The following TMEM72 variants were observed in gnomAD, a reference collection of about 807,000 sequenced individuals.
TMEM72 encodes kidney-specific secretory protein of 37 kDa.
TMEM72 carries 9 observed loss-of-function variants against 16.3 expected under a neutral mutation model. That is an observed-to-expected ratio of 0.55 (90% CI 0.33 to 0.96). TMEM72 has a LOEUF of 0.96. Among genes scored for constraint, TMEM72 ranks in the 40% least tolerant of loss-of-function variants. The pLI is 0.03. For synonymous variants in TMEM72, 160 were observed against 146.5 expected (o/e 1.09, Z -0.66); for missense variants, 324 against 337.8 (o/e 0.96, Z 0.32).
intron 1 of TMEM72, among the ~76,000 whole-genome samples, chr10:44,915,423 C>T (rs942475555): frequency 1.3e-5 from 2 of 151,556 alleles, no homozygotes; most frequent in South Asian, 4.1e-4. Context: ...GAAACCGAGG[C>T]CTGATGGAGC....
At chr10:44,931,803 C>T (rs759665869) in intron 2 of TMEM72, 195 bp from the exon 3 acceptor site, 20 of 604,886 alleles carry the variant, frequency 3.3e-5, no homozygotes, top group Non-Finnish European at 4.9e-5. Flanking sequence ...CCCCAGACCC[C>T]ACCTCTCCCC....
At chr10:44,915,201 C>T (rs571859526) in intron 1 of TMEM72, among the ~76,000 whole-genome samples, 53 of 152,326 alleles carry the variant, frequency 3.5e-4, no homozygotes, top group African/African-American at 1.1e-3. Flanking sequence ...AGCTTGAGGC[C>T]CCACTGCCCC....
rs1334434644 is a variant in TMEM72 at position 44,933,709 on chromosome 10, G to A, written c.282G>A (p.Leu94=). 8.1e-6 allele frequency: 13 copies of A among 1,614,122 alleles called. No individual in the cohort carries two copies. Among genetic ancestry groups the A allele is most frequent in the Non-Finnish European group, 1.1e-5 (13 of 1,180,004 alleles). ...GGCTGGGCTGCTTCCAGAAGTTCCT[G>A]GCCTACCTGCTGCTGTCGGTGGCCT... The part of the protein sequence containing the change: ...AHWLGCFQKF[L]AYLLLSVACF... The change falls in exon 4 of 5, where the codon CTG becomes CTA. Residue 94 remains leucine (L), a synonymous_variant. Transcript: ENST00000389583.
intron 4 of TMEM72, 53 bp from the exon 5 acceptor site, chr10:44,934,603 T>A (rs150962368): frequency 6.7e-7 from 1 of 1,488,766 alleles, no homozygotes; most frequent in African/African-American, 1.4e-5. Context: ...TTGCAAGGAC[T>A]CCGGATTTTT....
Position 44,935,433 on chromosome 10 carries a change from T to C in TMEM72, c.*299T>C. On this transcript the variant is annotated 3_prime_UTR_variant, in exon 5 of 5. Transcript: ENST00000389583. ...CCATCACTGCCACTGCGCACGAGGCTGCAGGTGCCATTGACTCAGCCCAGA... is the reference window on the plus strand; with the variant it reads ...CCATCACTGCCACTGCGCACGAGGCCGCAGGTGCCATTGACTCAGCCCAGA... 2 of 342,616 alleles carry C rather than the reference T, an allele frequency of 5.8e-6. No individual in the cohort carries two copies. Among genetic ancestry groups the C allele is most frequent in the South Asian group, 1.8e-4 (2 of 11,084 alleles). The allele number at this position is 342,616 out of a possible 1,614,324, so 21.2% of individuals were successfully genotyped here.
At chr10:44,913,794 C>T (rs1339430796) in intron 1 of TMEM72, among the ~76,000 whole-genome samples, 1 of 152,168 alleles carries the variant, frequency 6.6e-6, no homozygotes, top group African/African-American at 2.4e-5. Flanking sequence ...TCCTAAGCCT[C>T]TCTTTTGTTG....
At chr10:44,926,731 C>T (rs2132722582) in intron 1 of TMEM72, among the ~76,000 whole-genome samples, 1 of 152,300 alleles carries the variant, frequency 6.6e-6, no homozygotes, top group Non-Finnish European at 1.5e-5. Flanking sequence ...CCTCTTCTCA[C>T]CTGCCTAGAT....
rs757841101 is a variant in TMEM72, at chr10:44,933,777, G to C, written c.349+1G>C. 1 of 1,613,322 alleles carries C rather than the reference G, an allele frequency of 6.2e-7. No homozygotes were observed. Among genetic ancestry groups the C allele is most frequent in the South Asian group, 1.1e-5 (1 of 91,010 alleles). On this transcript the variant is annotated splice_donor_variant, in intron 4 of 4. Transcript: ENST00000389583. LOFTEE classifies it high-confidence loss of function. ...CTGGTCTGGCACGTGACCATCCCAG[G>C]TAAGAGCACAGGGGTAGAGATATGC...
At chr10:44,917,775 A>T (rs928153207) in intron 1 of TMEM72, among the ~76,000 whole-genome samples, 4 of 152,272 alleles carry the variant, frequency 2.6e-5, no homozygotes, top group African/African-American at 9.6e-5. Flanking sequence ...GAGCATGGAC[A>T]ATGCTTTCTG....
intron 1 of TMEM72, among the ~76,000 whole-genome samples, chr10:44,923,444 C>A (rs1034524720): frequency 5.3e-5 from 8 of 152,082 alleles, no homozygotes; most frequent in African/African-American, 1.7e-4. Context: ...GCTTGGGCTT[C>A]CTCACAATAT....
chr10:44,913,815 T>C (rs1194487461), intron 1 of TMEM72, among the ~76,000 whole-genome samples: 2 of 152,210 alleles, frequency 1.3e-5, no homozygotes, highest in African/African-American at 2.4e-5. Context: ...AAATCTTCTG[T>C]TGAGAAATCC....
intron 1 of TMEM72, among the ~76,000 whole-genome samples, chr10:44,918,436 ACT>A (rs1840043489): frequency 6.6e-6 from 1 of 152,020 alleles, no homozygotes; most frequent in Non-Finnish European, 1.5e-5. Context: ...TTCCACACAA[ACT>A]CTTCCAGAAA....
At position 44,927,982 on chromosome 10, in the gene TMEM72, T is replaced by C. The variant is rs1385735846; in HGVS notation, c.132T>C (p.Tyr44=). Residue 44 remains tyrosine, a synonymous_variant, in exon 2 of 5, where the codon TAT becomes TAC. Coordinates refer to ENST00000389583, the MANE Select transcript of TMEM72 (RefSeq NM_001123376.3). ...GCCAGTTCAAAAGCCTGGCTTTCTA[T>C]CTGCTGTGAGTATGTGTGCATGTGC... ...LQGQFKSLAF[Y]LLFTGAAVSI... is the part of the protein sequence containing the mutation. 3 of 1,613,464 alleles carry C rather than the reference T, an allele frequency of 1.9e-6. No individual in the cohort carries two copies. The highest frequency in any genetic ancestry group is 2.7e-5 in the African/African-American group (2 of 74,916).
At chr10:44,914,436 C>G (rs1839984469) in intron 1 of TMEM72, among the ~76,000 whole-genome samples, 1 of 152,224 alleles carries the variant, frequency 6.6e-6, no homozygotes, top group Non-Finnish European at 1.5e-5. Context: ...GGGGCAGGCG[C>G]CCATGGGTCC....
Position 44,933,724 on chromosome 10 carries a change from G to C in TMEM72, c.297G>C (p.Leu99=). 3.7e-6 allele frequency: 6 copies of C among 1,614,130 alleles called. No individual in the cohort carries two copies. Among genetic ancestry groups the C allele is most frequent in the Non-Finnish European group, 5.1e-6 (6 of 1,179,990 alleles). ...AGAAGTTCCTGGCCTACCTGCTGCT[G>C]TCGGTGGCCTGCTTCCTCCACCCGG... ...CFQKFLAYLL[L]SVACFLHPVL... The change falls in exon 4 of 5, where the codon CTG becomes CTC. Residue 99 remains leucine, a synonymous_variant. Transcript: ENST00000389583.
intron 2 of TMEM72, among the ~76,000 whole-genome samples, chr10:44,929,974 C>T (rs1314438473): frequency 6.6e-6 from 1 of 152,260 alleles, no homozygotes; most frequent in Non-Finnish European, 1.5e-5. Context: ...AGCCGCTGTG[C>T]ACCATTGCCC....
chr10:44,933,949 C>G (rs963258189), intron 4 of TMEM72, among the ~76,000 whole-genome samples, 173 bp downstream of exon 4: 6 of 152,214 alleles, frequency 3.9e-5, no homozygotes, highest in African/African-American at 1.4e-4. Context: ...CAGACATACT[C>G]CATGCTGATC....
chr10:44,928,865 C>A (rs144636256), intron 2 of TMEM72, among the ~76,000 whole-genome samples: 1 of 152,216 alleles, frequency 6.6e-6, no homozygotes, highest in Non-Finnish European at 1.5e-5. Flanking sequence ...CATACACCCA[C>A]CCATCCACGC....
Position 44,935,371 on chromosome 10 carries a change from C to T in TMEM72, c.*237C>T, listed in dbSNP as rs1008910646. On this transcript the variant is annotated 3_prime_UTR_variant, in exon 5 of 5. Coordinates refer to ENST00000389583, the MANE Select transcript of TMEM72 (RefSeq NM_001123376.3). ...GCCAGCACAAGCTCCTTCCTCCTGG[C>T]CACAGGTGGGGAAACCCTTATGCTT... 4.3e-6 allele frequency: 2 copies of T among 468,932 alleles called. No homozygotes were observed. Among genetic ancestry groups the T allele is most frequent in the African/African-American group, 3.9e-5 (2 of 50,670 alleles). The allele number at this position is 468,932 out of a possible 1,614,324, so 29.0% of individuals were successfully genotyped here.
Sources: gnomAD v4.1 joint callset for allele counts (sites outside exome capture counted in the v4.1 genomes callset) on GRCh38, gnomAD v4.1.1 for gene constraint, MANE v1.5 for transcripts, NCBI Gene and HGNC (gene_info 2026-07-23, HGNC 2026-07-21) for gene names.